The following MSRA variants were observed in gnomAD, a reference collection of about 807,000 sequenced individuals.
The protein encoded by MSRA is methionine sulfoxide reductase A.
A neutral mutation model predicts 31.3 loss-of-function variants in MSRA; 54 were observed. That is an observed-to-expected ratio of 1.73 (90% confidence interval 1.39 to 2.17). MSRA has a LOEUF of 2.17. Among genes scored for constraint, MSRA ranks in the 30% most tolerant of loss-of-function variants. The pLI, the probability that MSRA is intolerant of heterozygous loss-of-function variation, is 0.00. For synonymous variants in MSRA, 169 were observed against 116.5 expected, an observed-to-expected ratio of 1.45 and a Z score of -2.90; for missense variants, 507 against 300.9, an observed-to-expected ratio of 1.69 and a Z score of -5.07.
chr8:10,354,693 A>G (rs911772398), intron 5 of MSRA, among the ~76,000 whole-genome samples: 10 of 150,742 alleles, frequency 6.6e-5, no homozygotes, highest in African/African-American at 2.4e-4. Context: ...TTTTCGCTGC[A>G]TATTCATTTC....
chr8:10,329,330 C>T (rs1022898427), intron 5 of MSRA, among the ~76,000 whole-genome samples: 1 of 152,226 alleles, frequency 6.6e-6, no homozygotes, highest in African/African-American at 2.4e-5. Context: ...CTCCCCGGAT[C>T]TTCCAGCGTC....
At chr8:10,349,782 G>A (rs571661380) in intron 5 of MSRA, among the ~76,000 whole-genome samples, 2 of 152,368 alleles carry the variant, frequency 1.3e-5, no homozygotes, top group Admixed American at 1.3e-4. Context: ...TCTCCCCGTT[G>A]CTGTTTTGGC....
At chr8:10,169,949 C>T (rs1426880715) in intron 1 of MSRA, among the ~76,000 whole-genome samples, 4 of 135,038 alleles carry the variant, frequency 3.0e-5, no homozygotes, top group Admixed American at 1.6e-4. Context: ...GAGTTTCACT[C>T]TTGTCACCCA....
intron 5 of MSRA, among the ~76,000 whole-genome samples, chr8:10,398,778 T>G (rs1309891817): frequency 2.6e-5 from 4 of 152,064 alleles, no homozygotes; most frequent in Admixed American, 2.6e-4. Flanking sequence ...CAGTACGAGG[T>G]TTTTCATTTC....
intron 1 of MSRA, among the ~76,000 whole-genome samples, chr8:10,075,865 A>G (rs1404997457): frequency 1.3e-5 from 2 of 152,202 alleles, no homozygotes; most frequent in South Asian, 2.1e-4. Flanking sequence ...TCCTAATACC[A>G]AGATATGGAG....
At chr8:10,243,770 T>A (rs1271865301) in intron 2 of MSRA, among the ~76,000 whole-genome samples, 1 of 152,212 alleles carries the variant, frequency 6.6e-6, no homozygotes, top group Non-Finnish European at 1.5e-5. Flanking sequence ...GTAGTTATAA[T>A]AAAAGTGCAT....
intron 1 of MSRA, among the ~76,000 whole-genome samples, chr8:10,072,218 G>C (rs1797770618): frequency 6.6e-6 from 1 of 152,086 alleles, no homozygotes; most frequent in African/African-American, 2.4e-5. Flanking sequence ...TTCATCTGTT[G>C]GTGAGATGTG....
chr8:10,373,751 C>T (rs1257628236), intron 5 of MSRA, among the ~76,000 whole-genome samples: 1 of 152,178 alleles, frequency 6.6e-6, no homozygotes, highest in Non-Finnish European at 1.5e-5. Context: ...TCAAGTGGGA[C>T]AGGTGAGAAT....
At chr8:10,334,305 G>A (rs966722099) in intron 5 of MSRA, among the ~76,000 whole-genome samples, 1 of 152,098 alleles carries the variant, frequency 6.6e-6, no homozygotes, top group Non-Finnish European at 1.5e-5. Context: ...CAGCATTTCA[G>A]CTAGGGTAGG....
At chr8:10,272,505 G>A (rs908183588) in intron 3 of MSRA, among the ~76,000 whole-genome samples, 8 of 152,174 alleles carry the variant, frequency 5.3e-5, no homozygotes, top group African/African-American at 1.4e-4. Flanking sequence ...CAACTTACTG[G>A]GTGAGGACCA....
intron 3 of MSRA, among the ~76,000 whole-genome samples, chr8:10,247,424 C>A (rs977331245): frequency 6.6e-6 from 1 of 152,180 alleles, no homozygotes; most frequent in Non-Finnish European, 1.5e-5. Context: ...TCCACCAAGT[C>A]ACAAATTCTC....
intron 5 of MSRA, among the ~76,000 whole-genome samples, chr8:10,351,098 C>G (rs1206259445): frequency 1.3e-5 from 2 of 152,194 alleles, no homozygotes; most frequent in South Asian, 2.1e-4. Context: ...GACGTCCTGC[C>G]AAGTGCAACC....
intron 5 of MSRA, among the ~76,000 whole-genome samples, chr8:10,321,142 C>CA (rs1802022740): frequency 6.6e-6 from 1 of 152,042 alleles, no homozygotes; most frequent in African/African-American, 2.4e-5. Flanking sequence ...TAAAATCCTC[C>CA]AATAGAGATT....
intron 4 of MSRA, among the ~76,000 whole-genome samples, chr8:10,317,410 T>C (rs1801788328): frequency 6.6e-6 from 1 of 152,244 alleles, no homozygotes; most frequent in Non-Finnish European, 1.5e-5. Context: ...TGCTTCATTA[T>C]AGATGAAGCG....
At chr8:10,275,164 G>C (rs897018991) in intron 3 of MSRA, among the ~76,000 whole-genome samples, 1 of 152,150 alleles carries the variant, frequency 6.6e-6, no homozygotes, top group African/African-American at 2.4e-5. Context: ...AAGAAGATAA[G>C]AGTAATGTGA....
intron 3 of MSRA, among the ~76,000 whole-genome samples, chr8:10,257,893 G>T (rs966680389): frequency 2.6e-5 from 4 of 152,168 alleles, no homozygotes; most frequent in Non-Finnish European, 4.4e-5. Context: ...CAGCAGAGAG[G>T]TGAACACCAG....
chr8:10,211,721 C>T (rs915976205), intron 2 of MSRA, among the ~76,000 whole-genome samples: 1 of 152,034 alleles, frequency 6.6e-6, no homozygotes, highest in African/African-American at 2.4e-5. Flanking sequence ...GGTATGAGAA[C>T]ATCTTTTGCC....
intron 1 of MSRA, among the ~76,000 whole-genome samples, chr8:10,130,571 G>A (rs1043335105): frequency 6.6e-6 from 1 of 152,078 alleles, no homozygotes; most frequent in South Asian, 2.1e-4. Flanking sequence ...TAGGCTTTGT[G>A]GACAAGACAT....
intron 5 of MSRA, among the ~76,000 whole-genome samples, chr8:10,397,918 G>T (rs1487473937): frequency 6.6e-6 from 1 of 152,166 alleles, no homozygotes; most frequent in African/African-American, 2.4e-5. Context: ...GGGAAAAGTG[G>T]GTGGAGGCCC....
Sources: gnomAD v4.1 joint callset for allele counts (sites outside exome capture counted in the v4.1 genomes callset) on GRCh38, gnomAD v4.1.1 for gene constraint, MANE v1.5 for transcripts, NCBI Gene and HGNC (gene_info 2026-07-23, HGNC 2026-07-21) for gene names.